HOXD11: variants seen among roughly 807,000 people sequenced by gnomAD.
HOXD11 encodes the protein homeobox protein Hox-D11.
In HOXD11, 16 loss-of-function variants were observed where a neutral mutation model predicts 23.1. The observed-to-expected ratio is 0.69, with a 90% CI of 0.47 to 1.05. The LOEUF (loss-of-function observed/expected upper bound fraction) is 1.05, where lower values mean the gene tolerates loss of function less well. HOXD11 is among the 50% of genes least tolerant of loss of function. The pLI, the probability that HOXD11 is intolerant of heterozygous loss-of-function variation, is 0.00. For synonymous variants in HOXD11, 262 were observed against 224.4 expected (o/e 1.17, Z -1.50); for missense variants, 564 against 495.6 (o/e 1.14, Z -1.31).
In HOXD11 at chr2:176,109,633, T is replaced by A. The variant is rs1447261342; in HGVS notation, c.*491T>A. 9.1e-6 allele frequency: 2 copies of A among 219,180 alleles called. No homozygotes were observed. The highest frequency in any genetic ancestry group is 1.8e-5 in the Non-Finnish European group (2 of 109,312). 13.6% of individuals were successfully genotyped at this position (219,180 alleles called of 1,614,324 possible). On this transcript the variant is annotated 3_prime_UTR_variant, in exon 2 of 2. Coordinates refer to ENST00000249504, the MANE Select transcript of HOXD11 (RefSeq NM_021192.3). ...TTTTGTGTGAATAAATGGTTTCTAG[T>A]AAAATGGAGGTTACAGCTTCAATAC...
chr2:176,114,882 G>C, the HOXD11 span, among the ~76,000 whole-genome samples: 1 of 152,238 alleles, frequency 6.6e-6, no homozygotes, highest in Non-Finnish European at 1.5e-5. Context: ...CTCCCGGACT[G>C]AGAACTGGTT....
At chr2:176,114,382 C>T (rs1291095449), downstream of HOXD11, among the ~76,000 whole-genome samples, 1 of 152,108 alleles carries the variant, frequency 6.6e-6, no homozygotes, top group African/African-American at 2.4e-5. Flanking sequence ...CGAAAACAGC[C>T]ACCCCTGTGG....
chr2:176,107,462 C>G lies in HOXD11; in HGVS notation c.107C>G (p.Ser36Cys). Residue 36 changes from serine (S) to cysteine (C), a missense_variant, in exon 1 of 2, where the codon TCC becomes TGC. By Grantham distance (112) the Ser-to-Cys change is moderately radical (BLOSUM62 -1). Transcript: ENST00000249504. The stretch of plus-strand genomic sequence containing the variant: ...TTCGCTAGCAAGCCTTCGTTCCTTT[C>G]CCAACCGTCGTCCTGCCAGATGACT... ...SDFASKPSFL[S>C]QPSSCQMTFP... is the part of the protein sequence containing the mutation. 1 of 1,614,014 alleles carries G rather than the reference C, an allele frequency of 6.2e-7. No homozygotes were observed. The highest frequency in any genetic ancestry group is 8.5e-7 in the Non-Finnish European group (1 of 1,179,938).
Position 176,107,400 on chromosome 2 carries a change from C to T in HOXD11, c.45C>T (p.Tyr15=), listed in dbSNP as rs2105386929. Residue 15 remains tyrosine, a synonymous_variant, in exon 1 of 2, where the codon TAC becomes TAT. Coordinates refer to ENST00000249504, the MANE Select transcript of HOXD11 (RefSeq NM_021192.3). The part of the protein sequence containing the change: ...DECGQSAASM[Y]LPGCAYYVAP... ...GCGGCCAGAGCGCAGCCAGCATGTA[C>T]CTGCCGGGCTGCGCCTACTATGTGG... The T allele has an allele frequency of 6.2e-7, 1 of 1,613,420 alleles. No individual in the cohort carries two copies. The highest frequency in any genetic ancestry group is 8.5e-7 in the Non-Finnish European group (1 of 1,179,762).
downstream of HOXD11, among the ~76,000 whole-genome samples, chr2:176,112,788 G>T (rs867401194): frequency 6.6e-6 from 1 of 152,350 alleles, no homozygotes; most frequent in African/African-American, 2.4e-5. Context: ...GCTGGCAGCC[G>T]CCTGCGAAAC....
At chr2:176,114,651 T>C (rs1346521212), downstream of HOXD11, among the ~76,000 whole-genome samples, 1 of 151,788 alleles carries the variant, frequency 6.6e-6, no homozygotes, top group Non-Finnish European at 1.5e-5. Context: ...AGATTCCTTT[T>C]TGGGAAGAGG....
In HOXD11 at chr2:176,107,897, T is replaced by A; in HGVS notation, c.542T>A (p.Phe181Tyr). The A allele has an allele frequency of 6.9e-7, 1 of 1,446,224 alleles. No individual in the cohort carries two copies. 89.6% of individuals were successfully genotyped at this position (1,446,224 alleles called of 1,614,324 possible). The change falls in exon 1 of 2, where the codon TTC (phenylalanine) becomes TAC (tyrosine). Residue 181 changes from phenylalanine to tyrosine, a missense_variant. By Grantham distance (22) the Phe-to-Tyr change is conservative (BLOSUM62 3). Transcript: ENST00000249504. ...ATCTTGCCACAGGGCTTCGACCAGT[T>A]CTACGAGGCAGCGCCCGGGCCCCCG... ...NGILPQGFDQ[F>Y]YEAAPGPPFA...
chr2:176,108,191 G>C, intron 1 of HOXD11, 55 bp downstream of exon 1: 1 of 742,498 alleles, frequency 1.3e-6, no homozygotes, highest in Non-Finnish European at 1.9e-6. Flanking sequence ...GGGAGGGGGG[G>C]GGGGCGGAGG....
downstream of HOXD11, among the ~76,000 whole-genome samples, chr2:176,110,317 A>G (rs1689656607): frequency 1.3e-5 from 2 of 152,226 alleles, no homozygotes; most frequent in East Asian, 3.8e-4. Flanking sequence ...CAACACCATA[A>G]AAGCCAAAGT....
chr2:176,108,001 G>C lies in HOXD11; in HGVS notation c.646G>C (p.Gly216Arg). 3 of 1,482,726 alleles carry C rather than the reference G, an allele frequency of 2.0e-6. No individual in the cohort carries two copies. The highest frequency in any genetic ancestry group is 1.5e-5 in the African/African-American group (1 of 68,566). 91.8% of individuals were successfully genotyped at this position (1,482,726 alleles called of 1,614,324 possible). A position where few individuals can be genotyped will look rare whatever the true frequency, so the allele number is the denominator to read the frequency against. The change falls in exon 1 of 2, where the codon GGG becomes CGG. Residue 216 changes from glycine to arginine, a missense_variant. Gly to Arg is a moderately radical substitution (Grantham distance 125, BLOSUM62 -2). Coordinates refer to ENST00000249504, the MANE Select transcript of HOXD11 (RefSeq NM_021192.3). ...AGCCGACAAGGGCGACCCCAGGACCGGGGCTGGTGGCGGCGGGGGCAGTCC... is the reference window on the plus strand; with the variant it reads ...AGCCGACAAGGGCGACCCCAGGACCCGGGCTGGTGGCGGCGGGGGCAGTCC... ...GAADKGDPRT[G>R]AGGGGGSPCT...
chr2:176,107,906 C>A lies in HOXD11; in HGVS notation c.551C>A (p.Ala184Glu). 2 of 1,439,092 alleles carry A rather than the reference C, an allele frequency of 1.4e-6. No individual in the cohort carries two copies. The highest frequency in any genetic ancestry group is 9.1e-7 in the Non-Finnish European group (1 of 1,094,632). 89.1% of individuals were successfully genotyped at this position (1,439,092 alleles called of 1,614,324 possible). A position where few individuals can be genotyped will look rare whatever the true frequency, so the allele number is the denominator to read the frequency against. Residue 184 changes from alanine to glutamate, a missense_variant, in exon 1 of 2, where the codon GCA becomes GAA. Physicochemically the swap from Ala to Glu is moderately radical, Grantham distance 107. Coordinates refer to ENST00000249504, the MANE Select transcript of HOXD11 (RefSeq NM_021192.3). ...LPQGFDQFYE[A>E]APGPPFAGPQ... ...CAGGGCTTCGACCAGTTCTACGAGG[C>A]AGCGCCCGGGCCCCCGTTCGCCGGG...
At chr2:176,111,412 C>T (rs1356052741), downstream of HOXD11, 4 of 151,922 alleles carry the variant, frequency 2.6e-5, no homozygotes, top group Non-Finnish European at 5.9e-5. Flanking sequence ...AGGGCGCGCT[C>T]ACGTTCCAGA....
Position 176,108,900 on chromosome 2 carries a change from C to T in HOXD11, c.782-7C>T, listed in dbSNP as rs776917525. 7.5e-6 allele frequency: 12 copies of T among 1,607,236 alleles called. No individual in the cohort carries two copies. The Admixed American group carries it at 1.7e-4, about 22-fold the overall frequency. On this transcript the variant is annotated splice_region_variant and splice_polypyrimidine_tract_variant and intron_variant, in intron 1 of 1. Coordinates refer to ENST00000249504, the MANE Select transcript of HOXD11 (RefSeq NM_021192.3). ...CTCTCTCACCCCCTGGTCTCTTTGC[C>T]TTGCAGTTGCCCCCCAGCGGTCCCG...
chr2:176,114,267 G>C (rs780372922), downstream of HOXD11, among the ~76,000 whole-genome samples: 1 of 152,226 alleles, frequency 6.6e-6, no homozygotes, highest in Non-Finnish European at 1.5e-5. Context: ...CAGGGCGCTG[G>C]TCAGTGGCTG....
chr2:176,114,939 A>C, the HOXD11 span, among the ~76,000 whole-genome samples: 1 of 152,362 alleles, frequency 6.6e-6, no homozygotes, highest in East Asian at 1.9e-4. Flanking sequence ...GCTGGCAGGA[A>C]GGGAACCTGG....
chr2:176,108,659 C>CTCTGTG (rs1317895150), intron 1 of HOXD11: 8 of 325,966 alleles, frequency 2.5e-5, no homozygotes, highest in Non-Finnish European at 1.1e-5. Context: ...GTGCCAGGCT[C>CTCTGTG]TGTGTGTGTG....
chr2:176,107,576 C>T lies in HOXD11; in HGVS notation c.221C>T (p.Pro74Leu), dbSNP rs755835206. 2.7e-6 allele frequency: 4 copies of T among 1,455,748 alleles called. No individual in the cohort carries two copies. The highest frequency in any genetic ancestry group is 4.3e-5 in the Admixed American group (2 of 46,030). 90.2% of individuals were successfully genotyped at this position (1,455,748 alleles called of 1,614,324 possible). ...RDYGLERAKWPYRGGGGGGSA... is the reference protein window; with the variant it reads ...RDYGLERAKWLYRGGGGGGSA... ...TACGGCCTGGAGCGCGCCAAGTGGC[C>T]GTACCGCGGCGGCGGCGGCGGCGGC... The change falls in exon 1 of 2, where the codon CCG (proline) becomes CTG (leucine). Residue 74 changes from proline (P) to leucine (L), a missense_variant. Transcript: ENST00000249504.
downstream of HOXD11, among the ~76,000 whole-genome samples, chr2:176,112,171 G>A (rs1446905172): frequency 6.6e-6 from 1 of 152,180 alleles, no homozygotes; most frequent in Non-Finnish European, 1.5e-5. Context: ...TGAAGCAAAC[G>A]GGCTTTGCGT....
downstream of HOXD11, among the ~76,000 whole-genome samples, chr2:176,113,064 G>A (rs1039234460): frequency 2.0e-5 from 3 of 152,184 alleles, no homozygotes; most frequent in African/African-American, 7.2e-5. Context: ...TTGCACGTCT[G>A]GATAGACCCC....
Sources: gnomAD v4.1 joint callset for allele counts (sites outside exome capture counted in the v4.1 genomes callset) on GRCh38, gnomAD v4.1.1 for gene constraint, MANE v1.5 for transcripts, NCBI Gene and HGNC (gene_info 2026-07-23, HGNC 2026-07-21) for gene names.